Variants in TMIGD3 observed in about 807,000 individuals in gnomAD.
The protein encoded by TMIGD3 is transmembrane and immunoglobulin domain containing 3, also known as AD026 protein (AD026).
TMIGD3 carries 21 observed loss-of-function variants against 28.1 expected under a neutral mutation model. That is an observed-to-expected ratio of 0.75 (90% CI 0.53 to 1.08). The LOEUF (loss-of-function observed/expected upper bound fraction) is 1.08. TMIGD3 is among the 50% of genes least tolerant of loss of function. The probability of loss-of-function intolerance (pLI) is 0.00; values close to 1 mark genes in which losing one functional copy is unlikely to be tolerated. For missense variants in TMIGD3, 416 were observed against 435.6 expected (o/e 0.96, Z 0.40); for synonymous variants, 151 against 162.1 (o/e 0.93, Z 0.52).
At chr1:111,522,764 C>T (rs1280463540) in intron 1 of TMIGD3, among the ~76,000 whole-genome samples, 1 of 152,134 alleles carries the variant, frequency 6.6e-6, no homozygotes, top group Non-Finnish European at 1.5e-5. Context: ...GATCTGCCCG[C>T]CTCGGCCTCT....
chr1:111,561,909 C>T (rs1255591100), intron 1 of TMIGD3, among the ~76,000 whole-genome samples: 1 of 152,142 alleles, frequency 6.6e-6, no homozygotes, highest in East Asian at 1.9e-4. Flanking sequence ...CTCCCCATCT[C>T]CTCCTTGCCC....
chr1:111,504,744 G>T, upstream of TMIGD3: 2 of 405,870 alleles, frequency 4.9e-6, no homozygotes, highest in Non-Finnish European at 6.7e-6. Flanking sequence ...TAAGGGAGAC[G>T]CCTCTGCCTG....
chr1:111,539,943 G>A (rs1011552114), intron 1 of TMIGD3, among the ~76,000 whole-genome samples: 1 of 152,148 alleles, frequency 6.6e-6, no homozygotes, highest in African/African-American at 2.4e-5. Context: ...TTTGGTGCGT[G>A]ACTAATGATA....
chr1:111,522,664 G>A (rs985445456), intron 1 of TMIGD3, among the ~76,000 whole-genome samples: 1 of 151,856 alleles, frequency 6.6e-6, no homozygotes, highest in African/African-American at 2.4e-5. Context: ...TTACAGGCGC[G>A]TGCCACCATG....
chr1:111,502,393 G>T, intron 1 of TMIGD3, among the ~76,000 whole-genome samples: 4 of 127,464 alleles, frequency 3.1e-5, no homozygotes, highest in East Asian at 2.3e-4. Context: ...ATATATATAG[G>T]ATACATATAT....
At chr1:111,548,552 C>T (rs1415054580) in intron 1 of TMIGD3, among the ~76,000 whole-genome samples, 3 of 152,182 alleles carry the variant, frequency 2.0e-5, no homozygotes, top group Admixed American at 6.5e-5. Context: ...TTTAATTTTT[C>T]GGTCAGAACT....
chr1:111,521,797 T>G (rs1489040748), intron 1 of TMIGD3, among the ~76,000 whole-genome samples: 1 of 152,246 alleles, frequency 6.6e-6, no homozygotes, highest in Non-Finnish European at 1.5e-5. Flanking sequence ...TCGTATATTT[T>G]GTGCTTTTGT....
At chr1:111,494,902 T>C (rs1011692307) in intron 1 of TMIGD3, among the ~76,000 whole-genome samples, 6 of 152,146 alleles carry the variant, frequency 3.9e-5, no homozygotes, top group Admixed American at 3.3e-4. Context: ...GGGAAAAGAC[T>C]CCCTATTCAA....
At chr1:111,485,929 C>T (rs1474810239) in intron 4 of TMIGD3, 89 bp from the exon 5 acceptor site, 10 of 950,010 alleles carry the variant, frequency 1.1e-5, no homozygotes, top group South Asian at 9.4e-5. Flanking sequence ...GGATTTGCAC[C>T]CCTGCCCACC....
At position 111,544,705 on chromosome 1, in the gene TMIGD3, T is replaced by G. The variant is rs114732168; in HGVS notation, c.107+19141A>C. On this transcript the variant is annotated intron_variant, in intron 1 of 5. Transcript: ENST00000369717. ...TGCGTGAACATATGTTTTTGAATTA[T>G]ACATTCAAAACGTACATGAACATCC... Among the ~76,000 whole-genome samples the G allele has an allele frequency of 5.9e-3, 904 of 152,276 alleles. 6 individuals are homozygous for G. Among genetic ancestry groups the G allele is most frequent in the Middle Eastern group, 0.014 (4 of 294 alleles).
intron 1 of TMIGD3, among the ~76,000 whole-genome samples, chr1:111,525,397 G>C (rs564386824): frequency 3.3e-5 from 5 of 152,092 alleles, no homozygotes; most frequent in Non-Finnish European, 7.4e-5. Context: ...TTGATGAATT[G>C]TCCTTTTTAT....
chr1:111,503,583 A>C lies in TMIGD3; in HGVS notation c.-229T>G. The C allele has an allele frequency of 7.3e-7, 1 of 1,361,540 alleles. No individual in the cohort carries two copies. The highest frequency in any genetic ancestry group is 9.5e-7 in the Non-Finnish European group (1 of 1,053,998). 84.3% of individuals were successfully genotyped at this position (1,361,540 alleles called of 1,614,324 possible). A position where few individuals can be genotyped will look rare whatever the true frequency, so the allele number is the denominator to read the frequency against. On this transcript the variant is annotated 5_prime_UTR_variant, in exon 1 of 6. Transcript: ENST00000369716. Reference sequence around the variant, plus strand: ...TGGGTCACTTCCAGCCCCTTTATGCACCGCACATCCTCAAGTTTCCAGAAT... The same window carrying C: ...TGGGTCACTTCCAGCCCCTTTATGCCCCGCACATCCTCAAGTTTCCAGAAT...
chr1:111,527,155 T>C lies in TMIGD3; in HGVS notation c.108-36393A>G, dbSNP rs181334870. On this transcript the variant is annotated intron_variant, in intron 1 of 5. Transcript: ENST00000369717. ...TCTTCCAAGTAGCTGGGACTACAGG[T>C]GCATGCCACCACACCCAGATAATTT... Among the ~76,000 whole-genome samples the C allele has an allele frequency of 2.0e-5, 3 of 151,876 alleles. No homozygotes were observed. The East Asian group carries it at 5.8e-4, about 29-fold the overall frequency.
chr1:111,559,683 C>T (rs1198149335), intron 1 of TMIGD3, among the ~76,000 whole-genome samples: 1 of 152,106 alleles, frequency 6.6e-6, no homozygotes, highest in Non-Finnish European at 1.5e-5. Context: ...ATATTTAAAA[C>T]ATCCATGTTC....
chr1:111,493,338 A>G (rs565265453), intron 1 of TMIGD3, among the ~76,000 whole-genome samples: 1 of 152,204 alleles, frequency 6.6e-6, no homozygotes, highest in African/African-American at 2.4e-5. Context: ...TTCTCAATCT[A>G]TTAGTTCCCA....
intron 1 of TMIGD3, among the ~76,000 whole-genome samples, chr1:111,524,968 T>C (rs779006849): frequency 3.9e-5 from 6 of 152,252 alleles, no homozygotes; most frequent in Non-Finnish European, 8.8e-5. Context: ...TATTTAAAAA[T>C]GTGTTAATTT....
chr1:111,513,983 G>A (rs1655777230), intron 1 of TMIGD3, among the ~76,000 whole-genome samples: 1 of 152,210 alleles, frequency 6.6e-6, no homozygotes, highest in Admixed American at 6.5e-5. Flanking sequence ...GAATCTCAGG[G>A]AGGAGGGCAA....
chr1:111,530,719 G>T (rs569603557), intron 1 of TMIGD3, among the ~76,000 whole-genome samples: 36 of 151,942 alleles, frequency 2.4e-4, no homozygotes, highest in African/African-American at 6.8e-4. Flanking sequence ...TAATGTAGGG[G>T]TTTTTTTTCT....
At chr1:111,519,031 C>T (rs558631799) in intron 1 of TMIGD3, among the ~76,000 whole-genome samples, 2 of 152,090 alleles carry the variant, frequency 1.3e-5, no homozygotes, top group African/African-American at 2.4e-5. Context: ...CTCTGCCTCC[C>T]GGGTTCAAGC....
Sources: gnomAD v4.1 joint callset for allele counts (sites outside exome capture counted in the v4.1 genomes callset) on GRCh38, gnomAD v4.1.1 for gene constraint, MANE v1.5 for transcripts, NCBI Gene and HGNC (gene_info 2026-07-23, HGNC 2026-07-21) for gene names.